Variants in FCHSD2 observed in about 807,000 individuals in gnomAD.
The protein encoded by FCHSD2 is F-BAR and double SH3 domains protein 2.
FCHSD2 carries 38 observed loss-of-function variants against 108.1 expected under a neutral mutation model. The ratio of observed to expected loss-of-function variants is 0.35; its 90% confidence interval spans 0.27 to 0.46. The LOEUF is 0.46. Ranked by LOEUF, FCHSD2 falls within the 20% of genes least tolerant of loss-of-function variation. FCHSD2 has a pLI of 1.00. For synonymous variants in FCHSD2, 279 were observed against 314.7 expected (o/e 0.89, Z 1.20); for missense variants, 751 against 897.8 (o/e 0.84, Z 2.09).
intron 5 of FCHSD2, among the ~76,000 whole-genome samples, chr11:72,998,269 G>A (rs953927286): frequency 6.6e-6 from 1 of 152,202 alleles, no homozygotes; most frequent in Non-Finnish European, 1.5e-5. Context: ...ACCAGGCGAG[G>A]TGGCTCATGC....
chr11:72,964,240 G>A (rs888649608), intron 8 of FCHSD2, among the ~76,000 whole-genome samples: 3 of 152,198 alleles, frequency 2.0e-5, no homozygotes, highest in Admixed American at 1.3e-4. Flanking sequence ...AATATGTACA[G>A]GAAAATGAAC....
chr11:73,061,530 C>A (rs898374852), intron 3 of FCHSD2, among the ~76,000 whole-genome samples: 17 of 152,204 alleles, frequency 1.1e-4, no homozygotes, highest in South Asian at 2.1e-4. Flanking sequence ...GTCCCACCCC[C>A]ACGGAGCCCA....
At chr11:73,137,429 A>C (rs1861145327) in intron 2 of FCHSD2, among the ~76,000 whole-genome samples, 2 of 152,190 alleles carry the variant, frequency 1.3e-5, no homozygotes, top group South Asian at 4.1e-4. Flanking sequence ...GATCACGTGA[A>C]CCAAAGTATA....
At chr11:73,082,682 A>G (rs186244449) in intron 3 of FCHSD2, among the ~76,000 whole-genome samples, 310 of 152,296 alleles carry the variant, frequency 2.0e-3, no homozygotes, top group Non-Finnish European at 3.7e-3. Flanking sequence ...TAGAAAATTT[A>G]CTGTATGTTA....
At chr11:72,900,575 T>C (rs1156882854) in intron 10 of FCHSD2, among the ~76,000 whole-genome samples, 1 of 152,112 alleles carries the variant, frequency 6.6e-6, no homozygotes, top group Non-Finnish European at 1.5e-5. Flanking sequence ...CACTTGTCTA[T>C]ACCCTGTATC....
chr11:72,897,579 T>C (rs939861950), intron 10 of FCHSD2, among the ~76,000 whole-genome samples: 3 of 152,188 alleles, frequency 2.0e-5, no homozygotes, highest in African/African-American at 4.8e-5. Context: ...CAATCCCCCA[T>C]GGAAACCAAG....
chr11:73,100,075 T>A (rs1369157328), intron 2 of FCHSD2, among the ~76,000 whole-genome samples: 1 of 152,168 alleles, frequency 6.6e-6, no homozygotes, highest in African/African-American at 2.4e-5. Flanking sequence ...TTCTCAGCCC[T>A]TCCGCTTCCT....
chr11:73,068,361 TG>T (rs1378329652), intron 3 of FCHSD2, among the ~76,000 whole-genome samples: 1 of 10,734 alleles, frequency 9.3e-5, no homozygotes, highest in African/African-American at 3.6e-4. Flanking sequence ...AGGGTGGGGT[TG>T]GGGGGGCGGA....
At chr11:73,006,382 A>G (rs956953861) in intron 4 of FCHSD2, among the ~76,000 whole-genome samples, 1 of 152,248 alleles carries the variant, frequency 6.6e-6, no homozygotes, top group Non-Finnish European at 1.5e-5. Flanking sequence ...CACTGACAGC[A>G]ACTCAAACCT....
intron 3 of FCHSD2, among the ~76,000 whole-genome samples, chr11:73,045,470 T>G (rs1329379992): frequency 6.6e-6 from 1 of 152,030 alleles, no homozygotes; most frequent in Non-Finnish European, 1.5e-5. Context: ...CATGCACACG[T>G]ATGTTTATTG....
rs572022112 is a variant in FCHSD2 at position 72,887,303 on chromosome 11, TG to T, written c.1146+166del. On this transcript the variant is annotated intron_variant, in intron 12 of 19. Coordinates refer to ENST00000409418, the MANE Select transcript of FCHSD2 (RefSeq NM_014824.3). ...TACAGCATCTTTTTGTTATATGTAC[TG>T]CCTTCCACAGAGCAGGTACTCAACA... Among the ~76,000 whole-genome samples the T allele has an allele frequency of 6.6e-5, 10 of 152,318 alleles. No individual in the cohort carries two copies. The East Asian group carries it at 1.9e-3, about 29-fold the overall frequency.
chr11:73,060,289 A>G (rs1859130139), intron 3 of FCHSD2, among the ~76,000 whole-genome samples: 2 of 152,246 alleles, frequency 1.3e-5, no homozygotes, highest in East Asian at 1.9e-4. Flanking sequence ...CATTATTCAT[A>G]TCTTCATTTC....
chr11:72,999,228 T>C (rs1227581137), intron 5 of FCHSD2, among the ~76,000 whole-genome samples: 3 of 152,114 alleles, frequency 2.0e-5, no homozygotes, highest in Non-Finnish European at 2.9e-5. Context: ...TATTTAACAA[T>C]TGCTTAGATG....
At chr11:72,995,418 T>G (rs1857501553) in intron 5 of FCHSD2, among the ~76,000 whole-genome samples, 1 of 151,936 alleles carries the variant, frequency 6.6e-6, no homozygotes, top group Admixed American at 6.6e-5. Flanking sequence ...AACCAAAAAC[T>G]GGGCCAGGTG....
chr11:72,985,273 C>A (rs1281213460), intron 6 of FCHSD2, among the ~76,000 whole-genome samples, 157 bp from the exon 7 acceptor site: 2 of 149,744 alleles, frequency 1.3e-5, no homozygotes, highest in Admixed American at 1.3e-4. Context: ...TGATTATTTT[C>A]CTTTATTTTA....
At chr11:72,969,155 G>A (rs1856965538) in intron 8 of FCHSD2, among the ~76,000 whole-genome samples, 1 of 152,064 alleles carries the variant, frequency 6.6e-6, no homozygotes, top group Non-Finnish European at 1.5e-5. Flanking sequence ...GTTAATACTT[G>A]AACTGTCCAG....
chr11:73,089,401 T>G (rs544058634), intron 2 of FCHSD2, among the ~76,000 whole-genome samples: 1 of 152,326 alleles, frequency 6.6e-6, no homozygotes, highest in Non-Finnish European at 1.5e-5. Flanking sequence ...AACACATCAT[T>G]AGCATATGAT....
At chr11:73,006,746 A>G (rs952618825) in intron 4 of FCHSD2, among the ~76,000 whole-genome samples, 1 of 152,184 alleles carries the variant, frequency 6.6e-6, no homozygotes, top group East Asian at 1.9e-4. Flanking sequence ...TCACTTGTTT[A>G]CTGTTTGTCT....
chr11:72,870,981 T>C (rs1175546820), intron 12 of FCHSD2, among the ~76,000 whole-genome samples: 1 of 151,500 alleles, frequency 6.6e-6, no homozygotes, highest in Non-Finnish European at 1.5e-5. Context: ...CTAACAGTAA[T>C]GTCTTTGCTT....
Sources: gnomAD v4.1 joint callset for allele counts (sites outside exome capture counted in the v4.1 genomes callset) on GRCh38, gnomAD v4.1.1 for gene constraint, MANE v1.5 for transcripts, NCBI Gene and HGNC (gene_info 2026-07-23, HGNC 2026-07-21) for gene names.